CLK1: variants seen among roughly 807,000 people sequenced by gnomAD.
CLK1 encodes the protein CDC like kinase 1.
Under a neutral mutation model 60.9 loss-of-function variants are expected in CLK1, and 40 were observed. The ratio of observed to expected loss-of-function variants is 0.66; its 90% CI spans 0.51 to 0.86. The LOEUF (loss-of-function observed/expected upper bound fraction) is 0.86, where lower values mean the gene tolerates loss of function less well. Among genes scored for constraint, CLK1 ranks in the 40% least tolerant of loss-of-function variants. CLK1 has a pLI of 0.00. For missense variants in CLK1, 563 were observed against 606.1 expected, an observed-to-expected ratio of 0.93 and a Z score of 0.75; for synonymous variants, 203 against 184.4, an observed-to-expected ratio of 1.10 and a Z score of -0.82.
At chr2:200,864,465 G>A in intron 1 of CLK1, 99 bp downstream of exon 1, 1 of 505,132 alleles carries the variant, frequency 2.0e-6, no homozygotes, top group South Asian at 3.2e-5. Flanking sequence ...CGCCGGGGAC[G>A]GCGGGCAGCA....
chr2:200,863,601 T>TA (rs1049343724), intron 1 of CLK1, among the ~76,000 whole-genome samples: 2 of 152,060 alleles, frequency 1.3e-5, no homozygotes, highest in African/African-American at 4.8e-5. Flanking sequence ...CTCACACCTG[T>TA]AATCCCAGCA....
At chr2:200,856,636 C>A in intron 9 of CLK1, 46 bp downstream of exon 9, 1 of 1,510,788 alleles carries the variant, frequency 6.6e-7, no homozygotes, top group Non-Finnish European at 8.9e-7. Flanking sequence ...AATTTTAAGT[C>A]TCAATAAGGA....
intron 2 of CLK1, 82 bp from the exon 3 acceptor site, chr2:200,861,548 C>T: frequency 3.2e-6 from 5 of 1,562,756 alleles, no homozygotes; most frequent in African/African-American, 1.4e-5. Flanking sequence ...ACCTAGACTC[C>T]CCCACAAGCA....
chr2:200,860,429 G>A, intron 3 of CLK1: 1 of 1,269,882 alleles, frequency 7.9e-7, no homozygotes, highest in Non-Finnish European at 9.9e-7. Flanking sequence ...ACATGGCAAG[G>A]AACAGATTTT....
At chr2:200,861,128 CTG>C (rs2039130656) in intron 3 of CLK1, 108 bp downstream of exon 3, 14 of 1,509,578 alleles carry the variant, frequency 9.3e-6, no homozygotes, top group Non-Finnish European at 1.2e-5. Flanking sequence ...CAGGTTAAAA[CTG>C]AGATGATTTC....
At chr2:200,859,505 T>C (rs1426965585) in intron 5 of CLK1, among the ~76,000 whole-genome samples, 175 bp downstream of exon 5, 2 of 152,176 alleles carry the variant, frequency 1.3e-5, no homozygotes, top group East Asian at 3.8e-4. Flanking sequence ...ATACTATTAG[T>C]AGCTGTTTAA....
intron 5 of CLK1, among the ~76,000 whole-genome samples, chr2:200,859,244 A>G (rs1302943438): frequency 1.3e-5 from 2 of 152,200 alleles, no homozygotes; most frequent in African/African-American, 4.8e-5. Flanking sequence ...TGGGACACCA[A>G]GTTATCTCCA....
intron 1 of CLK1, among the ~76,000 whole-genome samples, chr2:200,862,416 T>C (rs1419541452): frequency 6.6e-6 from 1 of 152,122 alleles, no homozygotes; most frequent in African/African-American, 2.4e-5. Context: ...GAAGGTTCTT[T>C]ATAATCTCCC....
chr2:200,854,174 T>C (rs894569412), intron 11 of CLK1, 181 bp from the exon 12 acceptor site: 29 of 490,062 alleles, frequency 5.9e-5, no homozygotes, highest in Non-Finnish European at 1.0e-4. Context: ...AAAATATTAG[T>C]TTGACTTCAT....
At chr2:200,860,542 T>C in intron 3 of CLK1, 1 of 1,052,882 alleles carries the variant, frequency 9.5e-7, no homozygotes, top group Non-Finnish European at 1.1e-6. Context: ...CATAATTTTT[T>C]AGTTTCTAGT....
intron 1 of CLK1, chr2:200,864,229 T>C: frequency 6.5e-7 from 1 of 1,545,130 alleles, no homozygotes; most frequent in South Asian, 1.2e-5. Flanking sequence ...GCCGCCATCT[T>C]ACAGCTCCGC....
At position 200,859,755 on chromosome 2, in the gene CLK1, G is replaced by A. The variant is rs1283644704; in HGVS notation, c.482-9C>T. 9.9e-6 allele frequency: 16 copies of A among 1,611,924 alleles called. No homozygotes were observed. Among genetic ancestry groups the A allele is most frequent in the African/African-American group, 5.3e-5 (4 of 74,834 alleles). ...AGTATCAACAATTTCATCTAAAAGA[G>A]AGAAATAAATCTCAGTCATATCAAG... On this transcript the variant is annotated splice_polypyrimidine_tract_variant and intron_variant, in intron 4 of 12. Transcript: ENST00000321356.
intron 1 of CLK1, 99 bp from the exon 2 acceptor site, chr2:200,861,961 C>A: frequency 5.5e-6 from 5 of 916,938 alleles, no homozygotes; most frequent in Non-Finnish European, 8.3e-6. Context: ...CGTTTTAAGA[C>A]CAAAATTCAA....
At chr2:200,860,972 T>C in intron 3 of CLK1, 1 of 1,222,404 alleles carries the variant, frequency 8.2e-7, no homozygotes, top group Non-Finnish European at 1.0e-6. Flanking sequence ...TGTAATAATT[T>C]TCAACTAATC....
Position 200,853,077 on chromosome 2 carries a change from C to CA in CLK1, c.*228dup, listed in dbSNP as rs917878356. Reference sequence around the variant, plus strand: ...TAGAACAAACTGTTCAGATACATATCAACTTCATAAGCACAAAAAATTTAT... The same window carrying CA: ...TAGAACAAACTGTTCAGATACATATCAAACTTCATAAGCACAAAAAATTTAT... On this transcript the variant is annotated 3_prime_UTR_variant, in exon 13 of 13. Transcript: ENST00000321356. 5.5e-6 allele frequency: 2 copies of CA among 362,676 alleles called. No homozygotes were observed. Among genetic ancestry groups the CA allele is most frequent in the African/African-American group, 4.2e-5 (2 of 47,578 alleles). The allele number at this position is 362,676 out of a possible 1,614,324, so 22.5% of individuals were successfully genotyped here.
chr2:200,859,196 T>G (rs976959361), intron 5 of CLK1, among the ~76,000 whole-genome samples: 2 of 151,804 alleles, frequency 1.3e-5, no homozygotes, highest in Non-Finnish European at 1.5e-5. Context: ...AAAAAAAAAA[T>G]TTCAATCAGT....
intron 3 of CLK1, chr2:200,860,868 A>C (rs2039126196): frequency 9.4e-7 from 1 of 1,060,860 alleles, no homozygotes; most frequent in Admixed American, 5.0e-5. Context: ...TAAATTATAC[A>C]AAAATAAAAT....
At chr2:200,855,581 C>T (rs1413506383) in intron 9 of CLK1, among the ~76,000 whole-genome samples, 2 of 151,644 alleles carry the variant, frequency 1.3e-5, no homozygotes, top group African/African-American at 2.4e-5. Context: ...GCCGAGATCG[C>T]GCCACTGCAC....
intron 1 of CLK1, chr2:200,864,280 G>C (rs889478105): frequency 6.7e-7 from 1 of 1,490,232 alleles, no homozygotes; most frequent in Non-Finnish European, 8.9e-7. Context: ...ACCGTCCCGC[G>C]TCAGGCGGCG....
Sources: gnomAD v4.1 joint callset for allele counts (sites outside exome capture counted in the v4.1 genomes callset) on GRCh38, gnomAD v4.1.1 for gene constraint, MANE v1.5 for transcripts, NCBI Gene and HGNC (gene_info 2026-07-23, HGNC 2026-07-21) for gene names.